The following DGKI variants were observed in gnomAD, a reference collection of about 807,000 sequenced individuals.
The protein encoded by DGKI is diacylglycerol kinase iota.
Under a neutral mutation model 147.5 loss-of-function variants are expected in DGKI, and 55 were observed. The observed-to-expected ratio is 0.37, with a 90% CI of 0.30 to 0.47. DGKI has a LOEUF of 0.47. DGKI is among the 20% of genes least tolerant of loss of function. DGKI has a pLI of 1.00. For synonymous variants in DGKI, 469 were observed against 477.1 expected (o/e 0.98, Z 0.22); for missense variants, 1,007 against 1,323.8 (o/e 0.76, Z 3.71).
At chr7:137,462,148 T>C (rs191836558) in intron 27 of DGKI, among the ~76,000 whole-genome samples, 1 of 152,248 alleles carries the variant, frequency 6.6e-6, no homozygotes, top group Admixed American at 6.5e-5. Flanking sequence ...GAGTTTTTAC[T>C]CAGTAAACAA....
rs1798555904 is a variant in DGKI at position 137,841,930 on chromosome 7, CA to C, written c.401+4531del. ...CAGATTCCACAGGACCCAATAGTGT[CA>C]ATCTCCCAGGTAAAAATCAAGCCTC... On this transcript the variant is annotated intron_variant, in intron 1 of 32. Transcript: ENST00000614521. Among the ~76,000 whole-genome samples, 4 of 152,202 alleles carry C rather than the reference CA, an allele frequency of 2.6e-5. No individual in the cohort carries two copies. The South Asian group carries it at 8.3e-4, about 32-fold the overall frequency.
intron 1 of DGKI, among the ~76,000 whole-genome samples, chr7:137,729,549 C>T (rs1225258275): frequency 6.6e-6 from 1 of 152,080 alleles, no homozygotes; most frequent in African/African-American, 2.4e-5. Context: ...ATAAAAAGAA[C>T]ACAGACTTTT....
chr7:137,581,667 C>G (rs1353234115), intron 15 of DGKI, among the ~76,000 whole-genome samples, 183 bp downstream of exon 15: 3 of 152,092 alleles, frequency 2.0e-5, no homozygotes, highest in African/African-American at 7.2e-5. Flanking sequence ...ACAACTAGGT[C>G]TCAGGGTCCC....
At chr7:137,823,663 G>A (rs1585536143) in intron 1 of DGKI, among the ~76,000 whole-genome samples, 2 of 152,340 alleles carry the variant, frequency 1.3e-5, no homozygotes, top group South Asian at 4.1e-4. Context: ...GGATCCGCCT[G>A]AGGAAAATGG....
intron 17 of DGKI, among the ~76,000 whole-genome samples, chr7:137,573,954 A>G (rs185231939): frequency 3.3e-5 from 5 of 152,352 alleles, no homozygotes; most frequent in Admixed American, 3.3e-4. Context: ...TTCCGATGTC[A>G]AAGGCGTAAA....
chr7:137,520,605 TAA>T (rs1816928551), intron 21 of DGKI, among the ~76,000 whole-genome samples: 1 of 151,912 alleles, frequency 6.6e-6, no homozygotes, highest in African/African-American at 2.4e-5. Context: ...GGGGAGAAAT[TAA>T]AAGATATTGA....
intron 20 of DGKI, among the ~76,000 whole-genome samples, chr7:137,532,721 T>TAAA (rs1390003532): frequency 6.6e-6 from 1 of 152,146 alleles, no homozygotes; most frequent in Non-Finnish European, 1.5e-5. Flanking sequence ...ACCCTCCCGC[T>TAAA]TTCCCAATTC....
At chr7:137,684,779 G>A (rs770705217) in intron 2 of DGKI, among the ~76,000 whole-genome samples, 27 of 152,124 alleles carry the variant, frequency 1.8e-4, no homozygotes, top group African/African-American at 6.0e-4. Context: ...TCAGTTTTTC[G>A]AAATGGGGCT....
chr7:137,503,111 C>T (rs1393515796), intron 21 of DGKI, among the ~76,000 whole-genome samples: 2 of 152,238 alleles, frequency 1.3e-5, no homozygotes, highest in East Asian at 1.9e-4. Flanking sequence ...TCTCCTTTTC[C>T]GATAGGCCAG....
intron 10 of DGKI, among the ~76,000 whole-genome samples, chr7:137,605,876 G>A (rs1302451799): frequency 6.6e-6 from 1 of 152,120 alleles, no homozygotes; most frequent in Non-Finnish European, 1.5e-5. Flanking sequence ...TTACATAGAA[G>A]AAATAGGTTC....
At chr7:137,664,707 C>A (rs1022797695) in intron 3 of DGKI, among the ~76,000 whole-genome samples, 14 of 152,066 alleles carry the variant, frequency 9.2e-5, no homozygotes, top group Non-Finnish European at 2.1e-4. Context: ...CAGACAGAAC[C>A]AGGGATTACA....
intron 5 of DGKI, among the ~76,000 whole-genome samples, chr7:137,652,758 T>C (rs553944415): frequency 6.6e-6 from 1 of 152,358 alleles, no homozygotes; most frequent in African/African-American, 2.4e-5. Flanking sequence ...CCCAATCCTT[T>C]TGCATTGTCA....
At chr7:137,625,490 A>G (rs192417935) in intron 6 of DGKI, among the ~76,000 whole-genome samples, 21 of 152,060 alleles carry the variant, frequency 1.4e-4, no homozygotes, top group African/African-American at 4.6e-4. Context: ...AAATTTAAAA[A>G]AAAATAAAGA....
chr7:137,614,775 CAACTCTTTATA>C (rs1013291314), intron 8 of DGKI, among the ~76,000 whole-genome samples: 2 of 151,940 alleles, frequency 1.3e-5, no homozygotes, highest in African/African-American at 4.8e-5. Context: ...GGTTTAATTC[CAACTCTTTATA>C]AACCATGTCT....
At chr7:137,462,842 G>A (rs1258374087) in intron 27 of DGKI, among the ~76,000 whole-genome samples, 2 of 152,166 alleles carry the variant, frequency 1.3e-5, no homozygotes, top group African/African-American at 4.8e-5. Flanking sequence ...TGATAGGGAG[G>A]TGGATTCACC....
chr7:137,620,025 A>ACGCG (rs372423100), intron 7 of DGKI, 85 bp from the exon 8 acceptor site: 1 of 665,718 alleles, frequency 1.5e-6, no homozygotes, highest in African/African-American at 2.7e-5. Context: ...ACACGCACAC[A>ACGCG]CACACACACA....
intron 28 of DGKI, among the ~76,000 whole-genome samples, chr7:137,416,829 T>G (rs768217622): frequency 6.6e-6 from 1 of 152,188 alleles, no homozygotes; most frequent in Non-Finnish European, 1.5e-5. Flanking sequence ...CTTGAATAGG[T>G]AGAAGATCAT....
intron 1 of DGKI, among the ~76,000 whole-genome samples, chr7:137,844,024 C>T (rs2117119184): frequency 6.6e-6 from 1 of 152,244 alleles, no homozygotes; most frequent in East Asian, 1.9e-4. Context: ...AGACACTGTC[C>T]TCAGGTGCCC....
At chr7:137,796,306 T>C (rs1797027554) in intron 1 of DGKI, among the ~76,000 whole-genome samples, 1 of 152,184 alleles carries the variant, frequency 6.6e-6, no homozygotes, top group African/African-American at 2.4e-5. Context: ...AAGACCAGCC[T>C]GATCAACATG....
Sources: allele counts gnomAD v4.1 joint callset (sites outside exome capture counted in the v4.1 genomes callset), GRCh38; gene constraint gnomAD v4.1.1; transcripts MANE v1.5; gene names NCBI Gene and HGNC (gene_info 2026-07-23, HGNC 2026-07-21).